Variants in LAMA2 observed in about 807,000 individuals in gnomAD.
LAMA2 encodes the protein laminin subunit alpha 2.
Under a neutral mutation model 364.8 loss-of-function variants are expected in LAMA2, and 269 were observed. That is an observed-to-expected ratio of 0.74 (90% CI 0.67 to 0.82). LAMA2 has a LOEUF of 0.82. Ranked by LOEUF, LAMA2 falls within the 40% of genes least tolerant of loss-of-function variation. LAMA2 has a pLI of 0.00. For missense variants in LAMA2, 3,807 were observed against 3,873.2 expected (o/e 0.98, Z 0.45); for synonymous variants, 1,379 against 1,370.6 (o/e 1.01, Z -0.14).
chr6:129,372,985 T>C (rs1778172888), intron 34 of LAMA2, among the ~76,000 whole-genome samples: 1 of 152,196 alleles, frequency 6.6e-6, no homozygotes, highest in Non-Finnish European at 1.5e-5. Context: ...CATTTTTTCA[T>C]TGGGTTGTTT....
intron 1 of LAMA2, among the ~76,000 whole-genome samples, chr6:129,021,866 T>C (rs1286737760): frequency 6.6e-6 from 1 of 152,190 alleles, no homozygotes; most frequent in Non-Finnish European, 1.5e-5. Context: ...TAATTCGGAA[T>C]GCTACTTACC....
At chr6:129,394,653 C>T (rs1024642417) in intron 37 of LAMA2, among the ~76,000 whole-genome samples, 2 of 152,176 alleles carry the variant, frequency 1.3e-5, no homozygotes, top group African/African-American at 2.4e-5. Flanking sequence ...ACACACCAGC[C>T]GTGTGACTTA....
intron 6 of LAMA2, 138 bp from the exon 7 acceptor site, chr6:129,148,840 TC>T: frequency 1.3e-6 from 1 of 763,710 alleles, no homozygotes; most frequent in Non-Finnish European, 2.4e-6. Context: ...GGCACCACTT[TC>T]TTCCCAGGCT....
intron 30 of LAMA2, among the ~76,000 whole-genome samples, chr6:129,345,718 C>A (rs1776509440): frequency 6.7e-6 from 1 of 149,370 alleles, no homozygotes; most frequent in African/African-American, 2.5e-5. Context: ...GTATTATACA[C>A]CATGCCATTT....
intron 1 of LAMA2, among the ~76,000 whole-genome samples, chr6:128,990,371 A>G (rs185447426): frequency 6.6e-6 from 1 of 152,218 alleles, no homozygotes; most frequent in African/African-American, 2.4e-5. Flanking sequence ...AATAGGATGC[A>G]TGCAAAATAT....
At chr6:129,515,609 G>A (rs1332521665) in intron 64 of LAMA2, among the ~76,000 whole-genome samples, 1 of 135,102 alleles carries the variant, frequency 7.4e-6, no homozygotes, top group Non-Finnish European at 1.7e-5. Context: ...AAGTGATAAA[G>A]TCACCTTCAA....
Position 129,300,852 on chromosome 6 carries a change from A to G in LAMA2, c.3154A>G (p.Ser1052Gly), listed in dbSNP as rs149165006. 1.0e-4 allele frequency: 169 copies of G among 1,613,852 alleles called. No homozygotes were observed. In the African/African-American group the frequency reaches 2.1e-3, roughly 20 times the overall value. ...ATGTGCACCCAATACCTGGGGCCAC[A>G]GCATTACCACTGGTTGTAAGGTGAG... ...SKCAPNTWGH[S>G]ITTGCKACNC... The change falls in exon 22 of 65, where the codon AGC (serine) becomes GGC (glycine). Residue 1052 changes from serine to glycine, a missense_variant. By Grantham distance (56) the Ser-to-Gly change is moderately conservative. Around this residue, in one of 3 missense-constraint regions of LAMA2, gnomAD observed 3,333 missense variants for 3,345.7 expected, o/e 1.00. Coordinates refer to ENST00000421865, the MANE Select transcript of LAMA2 (RefSeq NM_000426.4).
intron 1 of LAMA2, among the ~76,000 whole-genome samples, chr6:129,048,556 TCTCTCTCTC>T (rs1787757553): frequency 7.5e-6 from 1 of 133,582 alleles, no homozygotes; most frequent in African/African-American, 2.9e-5. Context: ...TTTCTTTCTC[TCTCTCTCTC>T]TCTTTCTTTC....
chr6:129,460,293 AAAG>A lies in LAMA2; in HGVS notation c.6965_6967del (p.Glu2322del). ...TATAGGTTTGTGGAATTTCCGAGAAAAAGAAGGTGACTGCAAAGGATGCACTGT... is the reference window on the plus strand; with the variant it reads ...TATAGGTTTGTGGAATTTCCGAGAAAAAGGTGACTGCAAAGGATGCACTGT... On this transcript the variant is annotated inframe_deletion, in exon 49 of 65. Coordinates refer to ENST00000421865, the MANE Select transcript of LAMA2 (RefSeq NM_000426.4). The A allele has an allele frequency of 6.2e-7, 1 of 1,612,384 alleles. No homozygotes were observed. Among genetic ancestry groups the A allele is most frequent in the Non-Finnish European group, 8.5e-7 (1 of 1,178,820 alleles).
chr6:128,947,126 G>T lies in LAMA2; in HGVS notation c.112+63769G>T, dbSNP rs144211997. 5.4e-3 allele frequency among the ~76,000 whole-genome samples: 829 copies of T among 152,230 alleles called. 11 individuals are homozygous for T. Among genetic ancestry groups the T allele is most frequent in the African/African-American group, 0.019 (779 of 41,534 alleles). Reference sequence around the variant, plus strand: ...CATTGGTTCACTAAGCCTTAATTAGGTATCTATCCTGTACCAAATGGTATG... The same window carrying T: ...CATTGGTTCACTAAGCCTTAATTAGTTATCTATCCTGTACCAAATGGTATG... On this transcript the variant is annotated intron_variant, in intron 1 of 64. Transcript: ENST00000421865.
intron 1 of LAMA2, among the ~76,000 whole-genome samples, chr6:129,040,164 A>C (rs1786988729): frequency 6.6e-6 from 1 of 152,230 alleles, no homozygotes; most frequent in South Asian, 2.1e-4. Context: ...GTCACATTTT[A>C]TTAATGCTGG....
At chr6:129,385,310 G>GGGAAGGAA (rs147858586) in intron 35 of LAMA2, among the ~76,000 whole-genome samples, 2 of 139,694 alleles carry the variant, frequency 1.4e-5, no homozygotes, top group Non-Finnish European at 3.1e-5. Flanking sequence ...AAGAAGAAAA[G>GGGAAGGAA]GGAAGGAAGG....
At chr6:129,076,107 T>C (rs1389582114) in intron 3 of LAMA2, among the ~76,000 whole-genome samples, 1 of 151,580 alleles carries the variant, frequency 6.6e-6, no homozygotes, top group Non-Finnish European at 1.5e-5. Context: ...AAAAAATTAT[T>C]CAAGTGGAAA....
At chr6:129,281,435 C>T (rs1423217887) in intron 18 of LAMA2, among the ~76,000 whole-genome samples, 4 of 152,124 alleles carry the variant, frequency 2.6e-5, no homozygotes, top group Non-Finnish European at 4.4e-5. Context: ...ACTTATATTG[C>T]TTTGCTTTAT....
Position 129,328,327 on chromosome 6 carries a change from C to G in LAMA2, c.4226C>G (p.Thr1409Ser). 1 of 1,614,174 alleles carries G rather than the reference C, an allele frequency of 6.2e-7. No individual in the cohort carries two copies. Among genetic ancestry groups the G allele is most frequent in the Non-Finnish European group, 8.5e-7 (1 of 1,180,018 alleles). ...YRLRSQPGGR[T>S]PGPTLGTCVP... ...CTGCGTTCTCAACCAGGTGGCCGCA[C>G]CCCTGGACCAACCCTGGGCACCTGT... Residue 1409 changes from threonine to serine, a missense_variant, in exon 29 of 65, where the codon ACC becomes AGC. Transcript: ENST00000421865.
Position 128,919,603 on chromosome 6 carries a change from C to A in LAMA2, c.112+36246C>A, listed in dbSNP as rs549261677. Among the ~76,000 whole-genome samples, 34 of 152,348 alleles carry A rather than the reference C, an allele frequency of 2.2e-4. No individual in the cohort carries two copies. The Middle Eastern group carries it at 0.014, about 61-fold the overall frequency. ...AGTGATTCAGGCCACCATCATCTCA[C>A]AACTAGAAATCATCACTGTGGCCTT... On this transcript the variant is annotated intron_variant, in intron 1 of 64. Transcript: ENST00000421865.
In LAMA2 at chr6:129,372,194, T is replaced by C. The variant is rs1778127510; in HGVS notation, c.4959+2204T>C. Among the ~76,000 whole-genome samples the C allele has an allele frequency of 2.0e-5, 3 of 152,180 alleles. 1 individual carries two copies. Among genetic ancestry groups the C allele is most frequent in the Admixed American group, 6.5e-5 (1 of 15,278 alleles). On this transcript the variant is annotated intron_variant, in intron 34 of 64. Coordinates refer to ENST00000421865, the MANE Select transcript of LAMA2 (RefSeq NM_000426.4). ...AGTTTACATTAGGGTTCCCTCTTGG[T>C]ATTGTACATTCTATGGGTTTGGAAA...
chr6:129,186,050 G>A (rs1361815148), intron 10 of LAMA2, among the ~76,000 whole-genome samples: 1 of 151,658 alleles, frequency 6.6e-6, no homozygotes, highest in Non-Finnish European at 1.5e-5. Flanking sequence ...TACAAATAAA[G>A]TGTTAAAATG....
intron 1 of LAMA2, among the ~76,000 whole-genome samples, chr6:128,978,917 A>G (rs1782693890): frequency 6.6e-6 from 1 of 152,156 alleles, no homozygotes; most frequent in Admixed American, 6.5e-5. Context: ...TTATGGAGAG[A>G]ACATGGAGCC....
Sources: gnomAD v4.1 joint callset for allele counts (sites outside exome capture counted in the v4.1 genomes callset) on GRCh38, gnomAD v4.1.1 for gene constraint, gnomAD v4.1.1 regional missense constraint, MANE v1.5 for transcripts, NCBI Gene and HGNC (gene_info 2026-07-23, HGNC 2026-07-21) for gene names.